NXPE2: variants seen among roughly 807,000 people sequenced by gnomAD.
NXPE2 encodes the protein NXPE family member 2.
NXPE2 carries 34 observed loss-of-function variants against 34.4 expected under a neutral mutation model. The ratio of observed to expected loss-of-function variants is 0.99; its 90% CI spans 0.75 to 1.31. NXPE2 has a LOEUF of 1.31. NXPE2 is among the 40% of genes most tolerant of loss of function. The probability of loss-of-function intolerance (pLI) is 0.00; values close to 1 mark genes in which losing one functional copy is unlikely to be tolerated. For missense variants in NXPE2, 649 were observed against 672.5 expected, an observed-to-expected ratio of 0.97 and a Z score of 0.39; for synonymous variants, 235 against 231.3, an observed-to-expected ratio of 1.02 and a Z score of -0.15.
the NXPE2 span, among the ~76,000 whole-genome samples, chr11:114,630,654 A>C: frequency 6.6e-6 from 1 of 151,092 alleles, no homozygotes; most frequent in African/African-American, 2.4e-5. Context: ...AATGGCAACA[A>C]AAGCCAAAAT....
At chr11:114,727,260 T>C in the NXPE2 span, among the ~76,000 whole-genome samples, 3 of 152,108 alleles carry the variant, frequency 2.0e-5, no homozygotes. Context: ...GGTGTCAGCA[T>C]GGTCAGGTTT....
At chr11:114,597,750 T>C in the NXPE2 span, among the ~76,000 whole-genome samples, 1 of 151,882 alleles carries the variant, frequency 6.6e-6, no homozygotes, top group African/African-American at 2.4e-5. Context: ...AAAATGGAGG[T>C]ACATGTCAAA....
chr11:114,577,190 A>G, the NXPE2 span, among the ~76,000 whole-genome samples: 3 of 148,452 alleles, frequency 2.0e-5, no homozygotes, highest in African/African-American at 7.4e-5. Context: ...AAAATGTTAT[A>G]CACACACACT....
chr11:114,488,764 G>C, the NXPE2 span, among the ~76,000 whole-genome samples: 2 of 152,150 alleles, frequency 1.3e-5, no homozygotes, highest in African/African-American at 4.8e-5. Flanking sequence ...CAGGAAAGAT[G>C]AAAAATTGAC....
chr11:114,577,037 AT>A, the NXPE2 span, among the ~76,000 whole-genome samples: 9 of 32,310 alleles, frequency 2.8e-4, no homozygotes, highest in Admixed American at 2.6e-3. Flanking sequence ...ACATATATAT[AT>A]ATAAAGTTAT....
chr11:114,639,247 C>G, the NXPE2 span, among the ~76,000 whole-genome samples: 1 of 152,030 alleles, frequency 6.6e-6, no homozygotes, highest in Non-Finnish European at 1.5e-5. Flanking sequence ...CAGCGAGACT[C>G]TGTGGGCATA....
At chr11:114,549,101 TA>T in the NXPE2 span, among the ~76,000 whole-genome samples, 5 of 151,614 alleles carry the variant, frequency 3.3e-5, no homozygotes, top group Non-Finnish European at 5.9e-5. Flanking sequence ...TGAGTGACAT[TA>T]AAAAAATAGA....
At chr11:114,723,983 C>A in the NXPE2 span, among the ~76,000 whole-genome samples, 1 of 152,142 alleles carries the variant, frequency 6.6e-6, no homozygotes, top group Non-Finnish European at 1.5e-5. Flanking sequence ...CAGAATTTAT[C>A]AATAACATAA....
the NXPE2 span, among the ~76,000 whole-genome samples, chr11:114,802,547 G>GGACTT: frequency 1.3e-5 from 2 of 152,166 alleles, no homozygotes; most frequent in South Asian, 2.1e-4. Context: ...GGTCTAGCGT[G>GGACTT]GACTTTCTTA....
chr11:114,665,239 T>C, the NXPE2 span, among the ~76,000 whole-genome samples: 1 of 152,178 alleles, frequency 6.6e-6, no homozygotes, highest in East Asian at 1.9e-4. Flanking sequence ...TGCTTTCTAG[T>C]CTCTAAAATA....
the NXPE2 span, among the ~76,000 whole-genome samples, chr11:114,575,324 A>G: frequency 6.6e-6 from 1 of 152,252 alleles, no homozygotes. Flanking sequence ...TCAACATAGT[A>G]CTGGAAGTCC....
chr11:114,802,868 A>C, the NXPE2 span, among the ~76,000 whole-genome samples: 1 of 151,132 alleles, frequency 6.6e-6, no homozygotes, highest in Non-Finnish European at 1.5e-5. Context: ...ATTATACTGG[A>C]AAGTAAAATG....
the NXPE2 span, among the ~76,000 whole-genome samples, chr11:114,738,101 G>C: frequency 6.6e-6 from 1 of 151,896 alleles, no homozygotes; most frequent in Admixed American, 6.6e-5. Context: ...ACAAACCAAT[G>C]AGACTGGAGA....
chr11:114,638,689 A>G, the NXPE2 span, among the ~76,000 whole-genome samples: 3 of 151,988 alleles, frequency 2.0e-5, no homozygotes, highest in African/African-American at 7.2e-5. Flanking sequence ...AACAGACAGG[A>G]CCGTCAGCTG....
chr11:114,739,344 C>A, the NXPE2 span, among the ~76,000 whole-genome samples: 1 of 90,140 alleles, frequency 1.1e-5, no homozygotes, highest in Non-Finnish European at 2.3e-5. Context: ...TCCTTCCCCC[C>A]TTCCTCTCTC....
intron 2 of NXPE2, among the ~76,000 whole-genome samples, chr11:114,690,904 A>G (rs1341400276): frequency 6.6e-6 from 1 of 151,894 alleles, no homozygotes; most frequent in Non-Finnish European, 1.5e-5. Flanking sequence ...TAAAATTCCT[A>G]TAGTCAATTT....
At chr11:114,812,096 T>C in the NXPE2 span, among the ~76,000 whole-genome samples, 1 of 152,190 alleles carries the variant, frequency 6.6e-6, no homozygotes, top group Admixed American at 6.5e-5. Flanking sequence ...TGAGAGCAAA[T>C]TGATTTTTAA....
chr11:114,487,827 G>C, the NXPE2 span, among the ~76,000 whole-genome samples: 1 of 151,992 alleles, frequency 6.6e-6, no homozygotes, highest in Admixed American at 6.6e-5. Context: ...CATATGTTGA[G>C]CCATCCTTGC....
the NXPE2 span, among the ~76,000 whole-genome samples, chr11:114,744,535 G>A: frequency 3.9e-5 from 6 of 152,152 alleles, no homozygotes; most frequent in African/African-American, 7.2e-5. Flanking sequence ...TTGGCTGGGC[G>A]TGGTGGCTTA....
Sources: gnomAD v4.1 joint callset for allele counts (sites outside exome capture counted in the v4.1 genomes callset) on GRCh38, gnomAD v4.1.1 for gene constraint, MANE v1.5 for transcripts, NCBI Gene and HGNC (gene_info 2026-07-23, HGNC 2026-07-21) for gene names.